Variants in TCF25 observed in about 807,000 individuals in gnomAD.
TCF25 encodes the protein ribosome quality control complex subunit TCF25.
A neutral mutation model predicts 83.1 loss-of-function variants in TCF25; 41 were observed. The observed-to-expected ratio is 0.49, with a 90% CI of 0.38 to 0.64. The LOEUF (loss-of-function observed/expected upper bound fraction) is 0.64. TCF25 is among the 30% of genes least tolerant of loss of function. The probability of loss-of-function intolerance (pLI) is 0.00; values close to 1 mark genes in which losing one functional copy is unlikely to be tolerated. For synonymous variants in TCF25, 458 were observed against 365.0 expected, an observed-to-expected ratio of 1.25 and a Z score of -2.90; for missense variants, 979 against 914.5, an observed-to-expected ratio of 1.07 and a Z score of -0.91.
intron 3 of TCF25, 125 bp downstream of exon 3, chr16:89,884,781 G>A (rs2042862040): frequency 6.3e-6 from 5 of 794,536 alleles, no homozygotes; most frequent in East Asian, 3.1e-5. Context: ...TCTGCCTGAC[G>A]CCCTCTCCCT....
chr16:89,897,047 A>G (rs1377733189), intron 9 of TCF25, among the ~76,000 whole-genome samples: 1 of 151,774 alleles, frequency 6.6e-6, no homozygotes, highest in Non-Finnish European at 1.5e-5. Flanking sequence ...AAAAAGAAGA[A>G]GAAGAAGAAG....
intron 9 of TCF25, among the ~76,000 whole-genome samples, chr16:89,897,535 G>C (rs780293101): frequency 2.6e-5 from 4 of 152,258 alleles, no homozygotes; most frequent in Admixed American, 6.5e-5. Flanking sequence ...TGTGTGCTGG[G>C]TCTGAATTTC....
chr16:89,906,525 G>A (rs563812029), intron 15 of TCF25, among the ~76,000 whole-genome samples: 11 of 152,258 alleles, frequency 7.2e-5, no homozygotes, highest in South Asian at 6.2e-4. Context: ...AGTCGTCACC[G>A]TGGTGAGCTG....
At chr16:89,896,132 G>T (rs1418950281) in intron 9 of TCF25, 49 bp downstream of exon 9, 1 of 1,574,658 alleles carries the variant, frequency 6.4e-7, no homozygotes, top group African/African-American at 1.4e-5. Context: ...CCCTTCTCCT[G>T]CGAGTGAGGC....
chr16:89,895,283 C>T, intron 8 of TCF25, 146 bp downstream of exon 8: 2 of 734,030 alleles, frequency 2.7e-6, no homozygotes, highest in Non-Finnish European at 2.2e-6. Flanking sequence ...CAAAACTTAC[C>T]CATTTAAAGT....
At chr16:89,910,565 T>A in intron 16 of TCF25, 26 bp from the exon 17 acceptor site, 1 of 1,612,830 alleles carries the variant, frequency 6.2e-7, no homozygotes, top group Non-Finnish European at 8.5e-7. Context: ...CAGTGTCGTT[T>A]CTGACTTTTC....
intron 5 of TCF25, among the ~76,000 whole-genome samples, chr16:89,888,566 C>T (rs1452066649): frequency 6.8e-6 from 1 of 148,116 alleles, no homozygotes; most frequent in Non-Finnish European, 1.5e-5. Context: ...CCAGCCTGGG[C>T]AACGAGAGCG....
rs1474425271 is a variant in TCF25, at chr16:89,887,648, C to T, written c.549-4C>T. 6.3e-7 allele frequency: 1 copy of T among 1,579,018 alleles called. No homozygotes were observed. The highest frequency in any genetic ancestry group is 1.4e-5 in the African/African-American group (1 of 72,530). Reference sequence around the variant, plus strand: ...TTTTTTTTCTACAATTTTCAATTCCCCAGACACTTGAATCCAGACACAGAA... The same window carrying T: ...TTTTTTTTCTACAATTTTCAATTCCTCAGACACTTGAATCCAGACACAGAA... On this transcript the variant is annotated splice_polypyrimidine_tract_variant and splice_region_variant and intron_variant, in intron 4 of 17. Coordinates refer to ENST00000263346, the MANE Select transcript of TCF25 (RefSeq NM_014972.3).
At chr16:89,879,873 G>A (rs568901208) in intron 1 of TCF25, among the ~76,000 whole-genome samples, 10 of 149,276 alleles carry the variant, frequency 6.7e-5, no homozygotes, top group African/African-American at 2.5e-4. Context: ...CGTGTTGTCC[G>A]TGTGCACAGA....
intron 11 of TCF25, among the ~76,000 whole-genome samples, chr16:89,900,430 G>A (rs879375037): frequency 6.6e-5 from 10 of 152,106 alleles, no homozygotes; most frequent in African/African-American, 1.2e-4. Flanking sequence ...GCCCTCCCAC[G>A]TCCTCTGTAT....
intron 16 of TCF25, 167 bp from the exon 17 acceptor site, chr16:89,910,424 G>GCCACC: frequency 1.5e-6 from 1 of 666,278 alleles, no homozygotes; most frequent in Non-Finnish European, 2.6e-6. Flanking sequence ...AGCCTCACGG[G>GCCACC]CCACCCGGGG....
At chr16:89,876,854 A>C (rs529214020) in intron 1 of TCF25, among the ~76,000 whole-genome samples, 4 of 150,474 alleles carry the variant, frequency 2.7e-5, no homozygotes, top group Admixed American at 6.7e-5. Context: ...GCGTGAACCC[A>C]GGAGGCGGAG....
chr16:89,910,316 T>G (rs1313728814), intron 16 of TCF25: 1 of 537,620 alleles, frequency 1.9e-6, no homozygotes, highest in Non-Finnish European at 3.3e-6. Flanking sequence ...CGAGGATGGC[T>G]GTGGGAGCCT....
chr16:89,881,874 C>G lies in TCF25; in HGVS notation c.193-1477C>G, dbSNP rs558778822. Among the ~76,000 whole-genome samples the G allele has an allele frequency of 1.1e-4, 17 of 152,318 alleles. No homozygotes were observed. In the South Asian group the frequency reaches 1.9e-3, roughly 17 times the overall value. ...GATTCAAGCAATTCTCCTGCCTCGG[C>G]CTCCCGAGTAGCTGGGATTACAGGC... On this transcript the variant is annotated intron_variant, in intron 1 of 17. Transcript: ENST00000263346.
intron 13 of TCF25, 176 bp downstream of exon 13, chr16:89,904,381 T>C: frequency 1.4e-6 from 1 of 693,832 alleles, no homozygotes; most frequent in Admixed American, 2.7e-5. Flanking sequence ...CTCATCTGTG[T>C]GGAAAAGTCC....
rs191593021 is a variant in TCF25 at position 89,888,482 on chromosome 16, A to G, written c.614+765A>G. ...TGCATGCCTGTAATCCCAGCTACTC[A>G]GGAGGCTGAGGCAGGAGAATCGCTT... is the stretch of plus-strand genomic sequence containing the variant. On this transcript the variant is annotated intron_variant, in intron 5 of 17. Coordinates refer to ENST00000263346, the MANE Select transcript of TCF25 (RefSeq NM_014972.3). Among the ~76,000 whole-genome samples, 122 of 150,768 alleles carry G rather than the reference A, an allele frequency of 8.1e-4. 2 individuals are homozygous for G. The highest frequency in any genetic ancestry group is 7.9e-3 in the Admixed American group (120 of 15,120).
chr16:89,884,764 C>A lies in TCF25; in HGVS notation c.429+108C>A. On this transcript the variant is annotated intron_variant, in intron 3 of 17. Coordinates refer to ENST00000263346, the MANE Select transcript of TCF25 (RefSeq NM_014972.3). ...ACGCCCTCTCCCTCTGTCTGACGCC[C>A]TCTCCCTCTGCCTGACGCCCTCTCC... 3.0e-6 allele frequency: 3 copies of A among 1,011,632 alleles called. No individual in the cohort carries two copies. In the South Asian group the frequency reaches 4.7e-5, roughly 16 times the overall value. The allele number at this position is 1,011,632 out of a possible 1,614,324, so 62.7% of individuals were successfully genotyped here.
At chr16:89,877,322 G>A (rs1056172500) in intron 1 of TCF25, among the ~76,000 whole-genome samples, 1 of 152,012 alleles carries the variant, frequency 6.6e-6, no homozygotes, top group African/African-American at 2.4e-5. Context: ...TCCCACCTCA[G>A]CCTCCCAAGT....
chr16:89,875,757 C>T (rs1401675224), intron 1 of TCF25, among the ~76,000 whole-genome samples: 11 of 148,044 alleles, frequency 7.4e-5, no homozygotes, highest in South Asian at 2.2e-4. Flanking sequence ...CTCCTGACCT[C>T]GTGATCCGCC....
Sources: gnomAD v4.1 joint callset for allele counts (sites outside exome capture counted in the v4.1 genomes callset) on GRCh38, gnomAD v4.1.1 for gene constraint, MANE v1.5 for transcripts, NCBI Gene and HGNC (gene_info 2026-07-23, HGNC 2026-07-21) for gene names.